The following DTWD2 variants were observed in gnomAD, a reference collection of about 807,000 sequenced individuals.
The protein encoded by DTWD2 is tRNA-uridine aminocarboxypropyltransferase 2.
A neutral mutation model predicts 31.8 loss-of-function variants in DTWD2; 39 were observed. That is an observed-to-expected ratio of 1.22 (90% CI 0.95 to 1.60). The LOEUF (loss-of-function observed/expected upper bound fraction) is 1.60. Among genes scored for constraint, DTWD2 ranks in the 40% most tolerant of loss-of-function variants. DTWD2 has a pLI of 0.00. For synonymous variants in DTWD2, 180 were observed against 142.8 expected, an observed-to-expected ratio of 1.26 and a Z score of -1.86; for missense variants, 515 against 381.5, an observed-to-expected ratio of 1.35 and a Z score of -2.92.
chr5:118,980,403 A>G (rs906405648), intron 1 of DTWD2, among the ~76,000 whole-genome samples: 4 of 152,220 alleles, frequency 2.6e-5, no homozygotes. Context: ...CTTGAGTAAT[A>G]AAGTCCTTTG....
chr5:118,947,188 C>A (rs574457052), intron 1 of DTWD2, among the ~76,000 whole-genome samples: 2 of 152,034 alleles, frequency 1.3e-5, no homozygotes, highest in African/African-American at 2.4e-5. Context: ...TGGGGCCCCC[C>A]GGCAGTGTCT....
intron 4 of DTWD2, among the ~76,000 whole-genome samples, chr5:118,885,615 A>C (rs1052895542): frequency 1.3e-5 from 2 of 151,628 alleles, no homozygotes; most frequent in African/African-American, 4.8e-5. Context: ...AAAATACAAA[A>C]TTAGCCAGGC....
At chr5:118,893,306 A>T (rs566530372) in intron 4 of DTWD2, among the ~76,000 whole-genome samples, 1 of 149,478 alleles carries the variant, frequency 6.7e-6, no homozygotes, top group South Asian at 2.1e-4. Context: ...GGTTGCAGTG[A>T]GCTGAGATCG....
chr5:118,934,051 T>A (rs1753982195), intron 3 of DTWD2, among the ~76,000 whole-genome samples: 1 of 151,044 alleles, frequency 6.6e-6, no homozygotes, highest in Admixed American at 6.6e-5. Context: ...TAAATACCAT[T>A]AAAATAGCCC....
chr5:118,900,096 C>T (rs1753172566), intron 4 of DTWD2, among the ~76,000 whole-genome samples: 2 of 152,104 alleles, frequency 1.3e-5, no homozygotes, highest in Admixed American at 1.3e-4. Context: ...CACAAGCCAC[C>T]ATGCACGGCC....
intron 4 of DTWD2, among the ~76,000 whole-genome samples, chr5:118,870,995 A>G (rs1163843288): frequency 6.6e-6 from 1 of 150,520 alleles, no homozygotes; most frequent in Non-Finnish European, 1.5e-5. Flanking sequence ...TAAATCTTAT[A>G]TAATATTCTA....
At chr5:118,860,828 T>C (rs1752243958) in intron 4 of DTWD2, among the ~76,000 whole-genome samples, 1 of 152,190 alleles carries the variant, frequency 6.6e-6, no homozygotes, top group East Asian at 1.9e-4. Context: ...TCTATTAATA[T>C]CTTCTGCCTA....
intron 4 of DTWD2, among the ~76,000 whole-genome samples, chr5:118,878,393 C>T (rs1277953033): frequency 6.6e-6 from 1 of 152,076 alleles, no homozygotes; most frequent in African/African-American, 2.4e-5. Context: ...TCAAACCTCA[C>T]AAAAACAAGC....
chr5:118,932,605 A>AT (rs1753952392), intron 3 of DTWD2, among the ~76,000 whole-genome samples: 1 of 152,204 alleles, frequency 6.6e-6, no homozygotes, highest in Admixed American at 6.5e-5. Flanking sequence ...AAATGAAGCC[A>AT]TTAGGGTGGT....
At chr5:118,885,249 C>G (rs1019448508) in intron 4 of DTWD2, among the ~76,000 whole-genome samples, 1 of 151,160 alleles carries the variant, frequency 6.6e-6, no homozygotes, top group Non-Finnish European at 1.5e-5. Flanking sequence ...GTCAAGAGAT[C>G]GAGACCATCC....
At chr5:118,907,552 G>A (rs1314538636) in intron 4 of DTWD2, among the ~76,000 whole-genome samples, 1 of 152,074 alleles carries the variant, frequency 6.6e-6, no homozygotes, top group African/African-American at 2.4e-5. Flanking sequence ...CCAACATGGT[G>A]AAACTCCATC....
intron 1 of DTWD2, among the ~76,000 whole-genome samples, chr5:118,971,415 G>T (rs1329210847): frequency 6.6e-6 from 1 of 152,168 alleles, no homozygotes; most frequent in Non-Finnish European, 1.5e-5. Context: ...AAAGGGTTCA[G>T]TTCAACAAGG....
intron 4 of DTWD2, among the ~76,000 whole-genome samples, chr5:118,858,641 T>C (rs964233752): frequency 6.6e-6 from 1 of 152,202 alleles, no homozygotes; most frequent in Non-Finnish European, 1.5e-5. Context: ...CCTAGTTCCT[T>C]GCTCTTTTTT....
chr5:118,870,115 T>C (rs1315719921), intron 4 of DTWD2, among the ~76,000 whole-genome samples: 2 of 152,220 alleles, frequency 1.3e-5, no homozygotes, highest in Admixed American at 1.3e-4. Flanking sequence ...CACTGTGCTT[T>C]GTGTACAGCC....
At chr5:118,891,933 T>C (rs962580990) in intron 4 of DTWD2, among the ~76,000 whole-genome samples, 1 of 152,178 alleles carries the variant, frequency 6.6e-6, no homozygotes, top group Non-Finnish European at 1.5e-5. Context: ...TCTAGCTCAA[T>C]GCTACTAAAA....
intron 4 of DTWD2, among the ~76,000 whole-genome samples, chr5:118,868,642 A>G (rs1752433595): frequency 6.6e-6 from 1 of 152,070 alleles, no homozygotes; most frequent in Admixed American, 6.6e-5. Context: ...GTTTGAGACC[A>G]GCCTGGGCAA....
chr5:118,900,786 G>T (rs765378608), intron 4 of DTWD2, among the ~76,000 whole-genome samples: 1 of 152,018 alleles, frequency 6.6e-6, no homozygotes, highest in Admixed American at 6.6e-5. Context: ...TTAGCCAGGC[G>T]TGGTGGCAGA....
At chr5:118,974,282 C>T (rs570286068) in intron 1 of DTWD2, among the ~76,000 whole-genome samples, 20 of 152,198 alleles carry the variant, frequency 1.3e-4, no homozygotes, top group African/African-American at 4.8e-4. Context: ...GCGCTCTCCA[C>T]CACCCAACCC....
chr5:118,854,886 G>T (rs822743), intron 4 of DTWD2, among the ~76,000 whole-genome samples: 114,881 of 151,982 alleles, frequency 0.76, 43,420 homozygotes, highest in East Asian at 0.9. Flanking sequence ...TAACTTATAT[G>T]TTGTTCCTTT....
Sources: gnomAD v4.1 joint callset for allele counts (sites outside exome capture counted in the v4.1 genomes callset) on GRCh38, gnomAD v4.1.1 for gene constraint, MANE v1.5 for transcripts, NCBI Gene and HGNC (gene_info 2026-07-23, HGNC 2026-07-21) for gene names.